The following SGCZ variants were observed in gnomAD, a reference collection of about 807,000 sequenced individuals.
The protein encoded by SGCZ is zeta-sarcoglycan.
A neutral mutation model predicts 41.3 loss-of-function variants in SGCZ; 40 were observed. The observed-to-expected ratio is 0.97, with a 90% confidence interval of 0.75 to 1.26. The LOEUF is 1.26. Ranked by LOEUF, SGCZ falls within the 50% of genes most tolerant of loss-of-function variation. SGCZ has a pLI of 0.00. For missense variants in SGCZ, 552 were observed against 369.8 expected (o/e 1.49, Z -4.04); for synonymous variants, 206 against 137.5 (o/e 1.50, Z -3.49).
intron 2 of SGCZ, among the ~76,000 whole-genome samples, chr8:14,493,001 A>G (rs1240321205): frequency 6.6e-6 from 1 of 152,016 alleles, no homozygotes; most frequent in Non-Finnish European, 1.5e-5. Flanking sequence ...CCAACTCTCT[A>G]ACCTGGGCTA....
intron 3 of SGCZ, among the ~76,000 whole-genome samples, chr8:14,316,534 G>C (rs1015657125): frequency 2.0e-5 from 3 of 151,932 alleles, no homozygotes; most frequent in African/African-American, 7.3e-5. Flanking sequence ...TTAATAGAAG[G>C]AAGGATTTGT....
intron 3 of SGCZ, among the ~76,000 whole-genome samples, chr8:14,261,791 A>G (rs1278289403): frequency 2.0e-5 from 3 of 152,312 alleles, no homozygotes; most frequent in East Asian, 1.9e-4. Context: ...CCATTTCATT[A>G]GGGTATGGAC....
At chr8:14,590,587 G>C (rs1424763559) in intron 1 of SGCZ, among the ~76,000 whole-genome samples, 2 of 150,340 alleles carry the variant, frequency 1.3e-5, no homozygotes, top group African/African-American at 2.4e-5. Context: ...GTGGACTAGA[G>C]TTTGTTTTAA....
chr8:14,598,090 G>T (rs1249739359), intron 1 of SGCZ, among the ~76,000 whole-genome samples: 1 of 152,062 alleles, frequency 6.6e-6, no homozygotes, highest in Non-Finnish European at 1.5e-5. Context: ...GACTACATTG[G>T]TTTTTAAAAA....
chr8:14,458,349 G>C (rs765250235), intron 2 of SGCZ, among the ~76,000 whole-genome samples: 2 of 152,072 alleles, frequency 1.3e-5, no homozygotes, highest in African/African-American at 2.4e-5. Context: ...TAATGCCAAA[G>C]ACAAAAATGA....
chr8:14,623,968 C>T (rs1486509510), intron 1 of SGCZ, among the ~76,000 whole-genome samples: 1 of 152,162 alleles, frequency 6.6e-6, no homozygotes, highest in Non-Finnish European at 1.5e-5. Context: ...TGCTTTGTGA[C>T]TGTAGCTTAG....
intron 7 of SGCZ, among the ~76,000 whole-genome samples, chr8:14,099,670 A>T (rs1801951447): frequency 6.6e-6 from 1 of 152,072 alleles, no homozygotes; most frequent in South Asian, 2.1e-4. Flanking sequence ...GGTTGCAGTG[A>T]CCCAAGGTCA....
intron 1 of SGCZ, among the ~76,000 whole-genome samples, chr8:14,775,665 A>C (rs1455683522): frequency 6.6e-6 from 1 of 152,224 alleles, no homozygotes; most frequent in Admixed American, 6.5e-5. Context: ...ATAGAGAAGT[A>C]AGTGTGGTTT....
chr8:14,598,722 T>A (rs1805494291), intron 1 of SGCZ, among the ~76,000 whole-genome samples: 1 of 151,928 alleles, frequency 6.6e-6, no homozygotes, highest in Non-Finnish European at 1.5e-5. Flanking sequence ...TAGAGATATG[T>A]TTTTGCCAAG....
At chr8:15,182,668 G>C (rs1028069614) in intron 1 of SGCZ, among the ~76,000 whole-genome samples, 1 of 152,236 alleles carries the variant, frequency 6.6e-6, no homozygotes, top group South Asian at 2.1e-4. Flanking sequence ...AGTGGTGAGT[G>C]AATGTTGAAT....
chr8:14,448,539 C>CA (rs1800500404), intron 2 of SGCZ, among the ~76,000 whole-genome samples: 1 of 152,106 alleles, frequency 6.6e-6, no homozygotes, highest in Non-Finnish European at 1.5e-5. Flanking sequence ...AGTCAAATAA[C>CA]AAAAATCATC....
At chr8:14,211,687 T>C (rs1320556288) in intron 4 of SGCZ, among the ~76,000 whole-genome samples, 1 of 151,822 alleles carries the variant, frequency 6.6e-6, no homozygotes, top group East Asian at 1.9e-4. Flanking sequence ...AGGGAAGTGC[T>C]ACACACTTTT....
At chr8:14,881,668 T>A (rs956381082) in intron 1 of SGCZ, among the ~76,000 whole-genome samples, 6 of 152,142 alleles carry the variant, frequency 3.9e-5, no homozygotes, top group African/African-American at 1.4e-4. Context: ...ATTAGACAGA[T>A]CATTGAGACA....
chr8:15,126,243 T>A (rs1585590041), intron 1 of SGCZ, among the ~76,000 whole-genome samples: 1 of 152,230 alleles, frequency 6.6e-6, no homozygotes, highest in Non-Finnish European at 1.5e-5. Flanking sequence ...CTGTATTTTT[T>A]AAATTTACAT....
At chr8:14,371,022 A>G (rs1015479734) in intron 2 of SGCZ, among the ~76,000 whole-genome samples, 1 of 152,004 alleles carries the variant, frequency 6.6e-6, no homozygotes, top group African/African-American at 2.4e-5. Flanking sequence ...GTTAGCATTG[A>G]AAAAAGATGC....
intron 1 of SGCZ, among the ~76,000 whole-genome samples, chr8:15,166,181 G>A (rs952034573): frequency 9.2e-5 from 14 of 151,790 alleles, no homozygotes; most frequent in African/African-American, 3.1e-4. Flanking sequence ...AAGGTAAACA[G>A]GATTATTTGA....
chr8:15,186,026 A>C (rs1188219386), intron 1 of SGCZ, among the ~76,000 whole-genome samples: 1 of 151,626 alleles, frequency 6.6e-6, no homozygotes. Context: ...AGATGAGACC[A>C]TCCTGGCTAA....
chr8:14,540,508 C>A (rs1006856454), intron 2 of SGCZ, among the ~76,000 whole-genome samples: 12 of 151,516 alleles, frequency 7.9e-5, no homozygotes, highest in African/African-American at 2.7e-4. Context: ...TTATCAAACC[C>A]TTCCACTGAT....
intron 1 of SGCZ, among the ~76,000 whole-genome samples, chr8:14,915,291 T>A (rs139228927): frequency 5.4e-4 from 82 of 152,296 alleles, no homozygotes; most frequent in Admixed American, 1.4e-3. Flanking sequence ...CTTGGAAGAT[T>A]AAGCACTCTA....
Sources: allele counts gnomAD v4.1 joint callset (sites outside exome capture counted in the v4.1 genomes callset), GRCh38; gene constraint gnomAD v4.1.1; transcripts MANE v1.5; gene names NCBI Gene and HGNC (gene_info 2026-07-23, HGNC 2026-07-21).